PDK1: variants seen among roughly 807,000 people sequenced by gnomAD.
The protein encoded by PDK1 is [Pyruvate dehydrogenase (acetyl-transferring)] kinase isozyme 1, mitochondrial.
Under a neutral mutation model 54.2 loss-of-function variants are expected in PDK1, and 39 were observed. The ratio of observed to expected loss-of-function variants is 0.72; its 90% confidence interval spans 0.56 to 0.94. The LOEUF is 0.94. Ranked by LOEUF, PDK1 falls within the 40% of genes least tolerant of loss-of-function variation. PDK1 has a pLI of 0.00. For missense variants in PDK1, 552 were observed against 566.0 expected, an observed-to-expected ratio of 0.98 and a Z score of 0.25; for synonymous variants, 221 against 207.1, an observed-to-expected ratio of 1.07 and a Z score of -0.58.
chr2:172,614,972 A>G, the PDK1 span, among the ~76,000 whole-genome samples: 43 of 152,264 alleles, frequency 2.8e-4, no homozygotes, highest in Admixed American at 2.0e-4. Flanking sequence ...TTAGTACACA[A>G]CAGTGTACTA....
the PDK1 span, among the ~76,000 whole-genome samples, chr2:172,705,073 G>A: frequency 5.3e-4 from 80 of 152,350 alleles, 2 homozygotes; most frequent in East Asian, 0.015. Context: ...TAAATAGGCA[G>A]TGAGGAAACT....
rs1691033457 is a variant in PDK1 at position 172,599,305 on chromosome 2, CCAA to C, written c.*3340_*3342del. The C allele has an allele frequency of 6.6e-6, 1 of 152,082 alleles. No individual in the cohort carries two copies. Among genetic ancestry groups the C allele is most frequent in the South Asian group, 2.1e-4 (1 of 4,836 alleles). The allele number at this position is 152,082 out of a possible 1,614,324, so 9.4% of individuals were successfully genotyped here. A position where few individuals can be genotyped will look rare whatever the true frequency, so the allele number is the denominator to read the frequency against. On this transcript the variant is annotated 3_prime_UTR_variant, in exon 11 of 11. Coordinates refer to ENST00000282077, the MANE Select transcript of PDK1 (RefSeq NM_002610.5). ...GCACAATTTCCCTTCATTGTTGAAG[CCAA>C]CAAGTTCCGTAACAGAACTCCAGAG...
chr2:172,688,832 G>A, the PDK1 span, among the ~76,000 whole-genome samples: 1 of 152,158 alleles, frequency 6.6e-6, no homozygotes, highest in Admixed American at 6.5e-5. Context: ...GAGGCTGTCA[G>A]TCAACTATCT....
At chr2:172,618,511 G>C in the PDK1 span, among the ~76,000 whole-genome samples, 1 of 152,212 alleles carries the variant, frequency 6.6e-6, no homozygotes, top group Non-Finnish European at 1.5e-5. Context: ...ATTGCTGTGT[G>C]AGAACTGAAG....
At chr2:172,700,525 C>A in the PDK1 span, among the ~76,000 whole-genome samples, 1 of 148,952 alleles carries the variant, frequency 6.7e-6, no homozygotes, top group East Asian at 2.0e-4. Flanking sequence ...CCAGACTGGG[C>A]GGCCAGGCAG....
At chr2:172,717,995 T>C in the PDK1 span, among the ~76,000 whole-genome samples, 1 of 152,222 alleles carries the variant, frequency 6.6e-6, no homozygotes, top group Non-Finnish European at 1.5e-5. Context: ...AGCTACCAGA[T>C]TGAAGAGAGG....
chr2:172,566,787 G>T, intron 5 of PDK1, 69 bp from the exon 6 acceptor site: 2 of 892,704 alleles, frequency 2.2e-6, no homozygotes, highest in Non-Finnish European at 1.8e-6. Flanking sequence ...CAATACCATT[G>T]CCATCTTAAT....
intron 9 of PDK1, among the ~76,000 whole-genome samples, chr2:172,589,031 T>A (rs924945783): frequency 6.6e-6 from 1 of 152,186 alleles, no homozygotes. Flanking sequence ...CAGATGGTGA[T>A]AGCACATGGG....
the PDK1 span, among the ~76,000 whole-genome samples, chr2:172,715,115 G>T: frequency 2.0e-5 from 3 of 152,168 alleles, no homozygotes; most frequent in African/African-American, 7.2e-5. Context: ...ATAACTGGGG[G>T]AATTTGTATT....
the PDK1 span, among the ~76,000 whole-genome samples, chr2:172,678,622 TAGA>T: frequency 1.3e-5 from 2 of 152,242 alleles, no homozygotes; most frequent in African/African-American, 4.8e-5. Context: ...AGAGGCCATA[TAGA>T]AGGACTCCTG....
chr2:172,565,324 G>A (rs536147110), intron 5 of PDK1, among the ~76,000 whole-genome samples: 14 of 152,214 alleles, frequency 9.2e-5, no homozygotes, highest in Non-Finnish European at 1.2e-4. Flanking sequence ...TTTTGTTTGA[G>A]ACAGAGTCTC....
chr2:172,663,417 A>G, the PDK1 span, among the ~76,000 whole-genome samples: 1 of 152,282 alleles, frequency 6.6e-6, no homozygotes. Context: ...GCAGATTGCC[A>G]TGTGGGGTTG....
chr2:172,655,152 G>T, the PDK1 span, among the ~76,000 whole-genome samples: 19 of 152,180 alleles, frequency 1.2e-4, no homozygotes, highest in African/African-American at 4.6e-4. Flanking sequence ...CCCACGTGGT[G>T]GCTGGAGTCA....
At chr2:172,586,667 T>G (rs1690248681) in intron 9 of PDK1, among the ~76,000 whole-genome samples, 1 of 152,196 alleles carries the variant, frequency 6.6e-6, no homozygotes, top group African/African-American at 2.4e-5. Context: ...TGAAATATGG[T>G]TAACCACATT....
chr2:172,563,640 C>G (rs1688775184), intron 3 of PDK1, among the ~76,000 whole-genome samples: 1 of 152,138 alleles, frequency 6.6e-6, no homozygotes, highest in Admixed American at 6.5e-5. Context: ...TCGAGACCAG[C>G]CTGACCAACA....
At chr2:172,655,913 T>A in the PDK1 span, among the ~76,000 whole-genome samples, 1 of 152,240 alleles carries the variant, frequency 6.6e-6, no homozygotes, top group Admixed American at 6.5e-5. Context: ...AGAAGTGACT[T>A]TGGCTTGTTT....
the PDK1 span, among the ~76,000 whole-genome samples, chr2:172,644,334 C>T: frequency 2.0e-5 from 3 of 152,350 alleles, no homozygotes; most frequent in Admixed American, 6.5e-5. Flanking sequence ...TTAAATAGTT[C>T]AGGCTCTAAA....
At chr2:172,621,532 TTTATATATATA>T in the PDK1 span, among the ~76,000 whole-genome samples, 2 of 147,512 alleles carry the variant, frequency 1.4e-5, no homozygotes, top group South Asian at 2.1e-4. Flanking sequence ...ACTCTTCTTT[TTTATATATATA>T]TTATATATAT....
chr2:172,587,083 A>G (rs1469659879), intron 9 of PDK1, among the ~76,000 whole-genome samples: 3 of 152,184 alleles, frequency 2.0e-5, no homozygotes, highest in Non-Finnish European at 2.9e-5. Flanking sequence ...ATAGTACAAG[A>G]TAGATCTATT....
Sources: allele counts gnomAD v4.1 joint callset (sites outside exome capture counted in the v4.1 genomes callset), GRCh38; gene constraint gnomAD v4.1.1; transcripts MANE v1.5; gene names NCBI Gene and HGNC (gene_info 2026-07-23, HGNC 2026-07-21).